Variants in RPS6KC1 observed in about 807,000 individuals in gnomAD.
RPS6KC1 encodes the protein inactive ribosomal protein S6 kinase delta-1.
A neutral mutation model predicts 103.8 loss-of-function variants in RPS6KC1; 54 were observed. That is an observed-to-expected ratio of 0.52 (90% CI 0.42 to 0.65). The LOEUF (loss-of-function observed/expected upper bound fraction) is 0.65, where lower values mean the gene tolerates loss of function less well. RPS6KC1 is among the 30% of genes least tolerant of loss of function. The probability of loss-of-function intolerance (pLI) is 0.00; values close to 1 mark genes in which losing one functional copy is unlikely to be tolerated. For missense variants in RPS6KC1, 1,151 were observed against 1,253.8 expected (o/e 0.92, Z 1.24); for synonymous variants, 439 against 438.7 (o/e 1.00, Z -0.01).
the RPS6KC1 span, among the ~76,000 whole-genome samples, chr1:213,817,058 C>G: frequency 9.8e-5 from 15 of 152,336 alleles, no homozygotes; most frequent in Admixed American, 9.2e-4. Flanking sequence ...CTGCTAAACC[C>G]TATCCTAGCC....
chr1:213,604,946 TC>T, the RPS6KC1 span, among the ~76,000 whole-genome samples: 1 of 152,154 alleles, frequency 6.6e-6, no homozygotes, highest in African/African-American at 2.4e-5. Context: ...TTGGACAGTT[TC>T]TAGTTCTCCA....
At chr1:213,286,970 T>G in the RPS6KC1 span, among the ~76,000 whole-genome samples, 1 of 152,204 alleles carries the variant, frequency 6.6e-6, no homozygotes, top group Non-Finnish European at 1.5e-5. Flanking sequence ...ATAGTCTGGG[T>G]TCTTTAACAG....
the RPS6KC1 span, chr1:213,840,211 G>A: frequency 1.3e-5 from 2 of 152,022 alleles, no homozygotes; most frequent in Non-Finnish European, 2.9e-5. Context: ...CACAAATAAT[G>A]ATAAATATTA....
At chr1:213,175,049 C>T (rs528026172) in intron 7 of RPS6KC1, among the ~76,000 whole-genome samples, 33 of 152,112 alleles carry the variant, frequency 2.2e-4, no homozygotes, top group African/African-American at 7.9e-4. Flanking sequence ...GAAAACAAAA[C>T]AAAAAAATTG....
intron 8 of RPS6KC1, among the ~76,000 whole-genome samples, chr1:213,177,658 C>A (rs1345247469): frequency 1.3e-5 from 2 of 151,992 alleles, no homozygotes. Flanking sequence ...ATTTTCATAA[C>A]CGTGTTTTCT....
chr1:213,610,148 G>A, the RPS6KC1 span, among the ~76,000 whole-genome samples: 1 of 152,086 alleles, frequency 6.6e-6, no homozygotes, highest in Non-Finnish European at 1.5e-5. Flanking sequence ...AGCAAAAAAT[G>A]GCATTTTACT....
the RPS6KC1 span, chr1:213,794,296 C>A: frequency 1.3e-5 from 2 of 152,066 alleles, no homozygotes; most frequent in Non-Finnish European, 2.9e-5. Context: ...AAGGTAGAAA[C>A]AACAATGAGA....
chr1:213,470,000 GACCTGGGTGACA>G, the RPS6KC1 span, among the ~76,000 whole-genome samples: 25 of 152,164 alleles, frequency 1.6e-4, no homozygotes, highest in Admixed American at 3.3e-4. Context: ...GTGACAGAGA[GACCTGGGTGACA>G]ACCTGGGTGA....
chr1:213,058,833 A>G (rs2077571586), intron 1 of RPS6KC1, among the ~76,000 whole-genome samples: 1 of 152,198 alleles, frequency 6.6e-6, no homozygotes, highest in Non-Finnish European at 1.5e-5. Flanking sequence ...AAATCTGTAG[A>G]TCACTTTAGG....
chr1:213,725,659 A>G, the RPS6KC1 span, among the ~76,000 whole-genome samples: 3 of 152,320 alleles, frequency 2.0e-5, no homozygotes, highest in Non-Finnish European at 4.4e-5. Context: ...ACTGGAAGTT[A>G]ACTAAAAATC....
chr1:213,371,453 T>C, the RPS6KC1 span, among the ~76,000 whole-genome samples: 1 of 152,208 alleles, frequency 6.6e-6, no homozygotes, highest in Non-Finnish European at 1.5e-5. Flanking sequence ...TTTGGGTGTA[T>C]ACCCAAAAGT....
chr1:213,332,953 C>T, the RPS6KC1 span, among the ~76,000 whole-genome samples: 1 of 152,088 alleles, frequency 6.6e-6, no homozygotes, highest in Admixed American at 6.6e-5. Context: ...GCAAGTGGCA[C>T]AACTGGCAGA....
chr1:213,656,413 G>A, the RPS6KC1 span, among the ~76,000 whole-genome samples: 4 of 152,132 alleles, frequency 2.6e-5, no homozygotes, highest in African/African-American at 9.7e-5. Flanking sequence ...CAAAAGAGAA[G>A]GTGTGAATAA....
At chr1:213,487,157 C>G in the RPS6KC1 span, among the ~76,000 whole-genome samples, 39 of 152,308 alleles carry the variant, frequency 2.6e-4, no homozygotes, top group Middle Eastern at 3.4e-3. Context: ...AATCCTAGCA[C>G]TTTGGGAGGC....
At chr1:213,235,499 C>A (rs2094201993) in intron 10 of RPS6KC1, among the ~76,000 whole-genome samples, 1 of 151,996 alleles carries the variant, frequency 6.6e-6, no homozygotes, top group Non-Finnish European at 1.5e-5. Flanking sequence ...ATAGGGTGGT[C>A]ATCTTATTGA....
chr1:213,530,365 G>A, the RPS6KC1 span, among the ~76,000 whole-genome samples: 1 of 152,148 alleles, frequency 6.6e-6, no homozygotes, highest in African/African-American at 2.4e-5. Flanking sequence ...GGCATCTCTG[G>A]CATACCTGAA....
chr1:213,510,767 C>T, the RPS6KC1 span, among the ~76,000 whole-genome samples: 14 of 152,260 alleles, frequency 9.2e-5, no homozygotes, highest in African/African-American at 2.2e-4. Flanking sequence ...TTTACTTAAC[C>T]GTATTCTACC....
At chr1:213,278,675 A>G (rs2095117135), downstream of RPS6KC1, among the ~76,000 whole-genome samples, 1 of 152,150 alleles carries the variant, frequency 6.6e-6, no homozygotes, top group African/African-American at 2.4e-5. Context: ...GTCTCTGAAC[A>G]AAAGATATGG....
the RPS6KC1 span, among the ~76,000 whole-genome samples, chr1:213,501,550 C>A: frequency 6.6e-6 from 1 of 151,936 alleles, no homozygotes; most frequent in Non-Finnish European, 1.5e-5. Context: ...GCCAGCCTGG[C>A]AAACATGGTG....
Sources: allele counts gnomAD v4.1 joint callset (sites outside exome capture counted in the v4.1 genomes callset), GRCh38; gene constraint gnomAD v4.1.1; transcripts MANE v1.5; gene names NCBI Gene and HGNC (gene_info 2026-07-23, HGNC 2026-07-21).